ABCA1: variants seen among roughly 807,000 people sequenced by gnomAD.
ABCA1 encodes phospholipid-transporting ATPase ABCA1.
In ABCA1, 133 loss-of-function variants were observed where a neutral mutation model predicts 262.5. The ratio of observed to expected loss-of-function variants is 0.51; its 90% confidence interval spans 0.44 to 0.59. The LOEUF (loss-of-function observed/expected upper bound fraction) is 0.59. Among genes scored for constraint, ABCA1 ranks in the 20% least tolerant of loss-of-function variants. The pLI, the probability that ABCA1 is intolerant of heterozygous loss-of-function variation, is 0.00. For synonymous variants in ABCA1, 1,022 were observed against 1,043.5 expected (o/e 0.98, Z 0.40); for missense variants, 2,452 against 2,777.5 (o/e 0.88, Z 2.63).
intron 6 of ABCA1, among the ~76,000 whole-genome samples, chr9:104,860,641 G>C (rs915018734): frequency 6.6e-6 from 1 of 151,954 alleles, no homozygotes; most frequent in Admixed American, 6.6e-5. Flanking sequence ...AGCTGGGTCT[G>C]GTGCTACCCA....
At chr9:104,863,397 G>A (rs768802093) in intron 5 of ABCA1, among the ~76,000 whole-genome samples, 1 of 152,144 alleles carries the variant, frequency 6.6e-6, no homozygotes, top group Non-Finnish European at 1.5e-5. Flanking sequence ...AGCCCACATG[G>A]CCAGGCACTA....
chr9:104,800,210 A>G (rs116741611), intron 35 of ABCA1, among the ~76,000 whole-genome samples: 3 of 152,288 alleles, frequency 2.0e-5, no homozygotes, highest in African/African-American at 7.2e-5. Context: ...TTATACCTTT[A>G]ACTCATTGAA....
chr9:104,923,603 G>A (rs1842265698), intron 1 of ABCA1, among the ~76,000 whole-genome samples: 1 of 152,246 alleles, frequency 6.6e-6, no homozygotes, highest in African/African-American at 2.4e-5. Context: ...CAGCTGAAAT[G>A]TTAGTGCTGG....
chr9:104,900,513 G>C (rs1840581422), intron 2 of ABCA1, among the ~76,000 whole-genome samples: 1 of 152,172 alleles, frequency 6.6e-6, no homozygotes, highest in African/African-American at 2.4e-5. Flanking sequence ...GCTAACAAGT[G>C]GCCCCAAAAC....
chr9:104,860,755 C>CTTTTTTTTTTT (rs762423202), intron 6 of ABCA1, among the ~76,000 whole-genome samples: 1 of 115,864 alleles, frequency 8.6e-6, no homozygotes, highest in African/African-American at 3.5e-5. Context: ...TTATAAAATT[C>CTTTTTTTTTTT]TTTTTTTTTT....
At chr9:104,845,924 T>C (rs1015840231) in intron 7 of ABCA1, among the ~76,000 whole-genome samples, 8 of 152,176 alleles carry the variant, frequency 5.3e-5, no homozygotes, top group African/African-American at 1.7e-4. Context: ...AATACGGGAA[T>C]GGCTTTGAGA....
chr9:104,878,490 T>C (rs1470376295), intron 5 of ABCA1, among the ~76,000 whole-genome samples: 1 of 152,192 alleles, frequency 6.6e-6, no homozygotes, highest in Non-Finnish European at 1.5e-5. Context: ...GAGAACTGCC[T>C]GGAGCAGCAG....
chr9:104,849,340 T>C (rs1245600694), intron 7 of ABCA1, among the ~76,000 whole-genome samples: 1 of 152,200 alleles, frequency 6.6e-6, no homozygotes, highest in East Asian at 1.9e-4. Flanking sequence ...TCTTATGATA[T>C]GACCTTCTTA....
At position 104,781,135 on chromosome 9, in the gene ABCA1, A is replaced by G. The variant is rs1451561793; in HGVS notation, c.*3180T>C. ...TTTTTTCTTTTTTCCTTTTAATGAAAATGATTTAACTTAGAAATCTGTTGT... is the reference window on the plus strand; with the variant it reads ...TTTTTTCTTTTTTCCTTTTAATGAAGATGATTTAACTTAGAAATCTGTTGT... On this transcript the variant is annotated 3_prime_UTR_variant, in exon 50 of 50. Coordinates refer to ENST00000374736, the MANE Select transcript of ABCA1 (RefSeq NM_005502.4). 1 of 152,604 alleles carries G rather than the reference A, an allele frequency of 6.6e-6. No individual in the cohort carries two copies. The highest frequency in any genetic ancestry group is 6.5e-5 in the Admixed American group (1 of 15,286). The allele number at this position is 152,604 out of a possible 1,614,324, so 9.5% of individuals were successfully genotyped here. A position where few individuals can be genotyped will look rare whatever the true frequency, so the allele number is the denominator to read the frequency against.
intron 7 of ABCA1, among the ~76,000 whole-genome samples, chr9:104,857,729 A>T (rs967614506): frequency 6.6e-6 from 1 of 152,176 alleles, no homozygotes; most frequent in African/African-American, 2.4e-5. Flanking sequence ...ATAATAAGGA[A>T]CATCTCTTTC....
At chr9:104,797,596 T>C (rs930574824) in intron 37 of ABCA1, among the ~76,000 whole-genome samples, 1 of 152,180 alleles carries the variant, frequency 6.6e-6, no homozygotes, top group African/African-American at 2.4e-5. Context: ...ATATACAGCA[T>C]GGCCATACAA....
chr9:104,818,580 G>A (rs1831988576), intron 23 of ABCA1, 83 bp downstream of exon 23: 4 of 1,307,700 alleles, frequency 3.1e-6, no homozygotes, highest in Non-Finnish European at 2.2e-6. Context: ...GGCAAAAGGG[G>A]TGGAGATGGA....
intron 2 of ABCA1, among the ~76,000 whole-genome samples, chr9:104,899,150 G>C (rs1299003021): frequency 6.6e-6 from 1 of 152,162 alleles, no homozygotes; most frequent in Non-Finnish European, 1.5e-5. Flanking sequence ...CCGTAGAAGA[G>C]AAAACTAAAG....
rs756858766 is a variant in ABCA1, at chr9:104,794,413, G to C, written c.5480C>G (p.Ala1827Gly). 1.2e-6 allele frequency: 2 copies of C among 1,613,402 alleles called. No homozygotes were observed. Among genetic ancestry groups the C allele is most frequent in the Non-Finnish European group, 1.7e-6 (2 of 1,179,858 alleles). Reference protein sequence around the residue: ...RGLIDMVKNQAMADALERFGE... With the variant: ...RGLIDMVKNQGMADALERFGE... ...AAACCTTTCCAGGGCATCAGCCATT[G>C]CCTGGTTTTTCACCATGTCGATGAG... The change falls in exon 40 of 50, where the codon GCA (alanine) becomes GGA (glycine). Residue 1827 changes from alanine (A) to glycine (G), a missense_variant. Ala to Gly is a moderately conservative substitution (Grantham distance 60, BLOSUM62 0). This residue lies in a region of ABCA1 where 752 missense variants were observed against 944.5 expected (regional missense o/e 0.80). Transcript: ENST00000374736.
rs1829583554 is a variant in ABCA1, at chr9:104,793,212, G to A, written c.5595C>T (p.Leu1865=). The A allele has an allele frequency of 1.2e-5, 20 of 1,613,958 alleles. No homozygotes were observed. The highest frequency in any genetic ancestry group is 5.0e-5 in the Admixed American group (3 of 59,984). Residue 1865 remains leucine, a synonymous_variant, in exon 41 of 50, where the codon CTC becomes CTT. Transcript: ENST00000374736. ...ATCTGTACTGGATCAGAACAGTAATGAGGAAGAACACCACCCCTTCCACGG... is the reference window on the plus strand; with the variant it reads ...ATCTGTACTGGATCAGAACAGTAATAAGGAAGAACACCACCCCTTCCACGG... ...AMAVEGVVFF[L]ITVLIQYRFF...
intron 22 of ABCA1, 93 bp from the exon 23 acceptor site, chr9:104,818,976 T>C (rs936039351): frequency 7.9e-7 from 1 of 1,266,254 alleles, no homozygotes; most frequent in Admixed American, 2.0e-5. Context: ...TTAGCAGGGG[T>C]AAGCACTGGA....
intron 30 of ABCA1, among the ~76,000 whole-genome samples, chr9:104,808,057 G>T (rs1024046470): frequency 6.6e-6 from 1 of 152,064 alleles, no homozygotes; most frequent in Non-Finnish European, 1.5e-5. Flanking sequence ...TTCAAAAGGG[G>T]ATTGGCTGAG....
chr9:104,884,620 A>G, intron 3 of ABCA1, 52 bp from the exon 4 acceptor site: 1 of 1,603,816 alleles, frequency 6.2e-7, no homozygotes, highest in Non-Finnish European at 8.5e-7. Context: ...AATTCCCTGA[A>G]GCGATTTTGA....
intron 21 of ABCA1, 51 bp from the exon 22 acceptor site, chr9:104,819,774 G>T: frequency 6.2e-7 from 1 of 1,613,788 alleles, no homozygotes; most frequent in South Asian, 1.1e-5. Flanking sequence ...CAGACAGTGA[G>T]TGAAGGCAGA....
Sources: gnomAD v4.1 joint callset for allele counts (sites outside exome capture counted in the v4.1 genomes callset) on GRCh38, gnomAD v4.1.1 for gene constraint, gnomAD v4.1.1 regional missense constraint, MANE v1.5 for transcripts, NCBI Gene and HGNC (gene_info 2026-07-23, HGNC 2026-07-21) for gene names.